The following CDH4 variants were observed in gnomAD, a reference collection of about 807,000 sequenced individuals.
CDH4 encodes the protein cadherin-4.
Under a neutral mutation model 86.0 loss-of-function variants are expected in CDH4, and 33 were observed. The ratio of observed to expected loss-of-function variants is 0.38; its 90% CI spans 0.29 to 0.51. The LOEUF is 0.51. Among genes scored for constraint, CDH4 ranks in the 20% least tolerant of loss-of-function variants. The pLI, the probability that CDH4 is intolerant of heterozygous loss-of-function variation, is 0.86. For missense variants in CDH4, 1,114 were observed against 1,307.4 expected (o/e 0.85, Z 2.28); for synonymous variants, 555 against 549.4 (o/e 1.01, Z -0.14).
At chr20:61,586,069 T>C (rs531493436) in intron 2 of CDH4, among the ~76,000 whole-genome samples, 1 of 151,448 alleles carries the variant, frequency 6.6e-6, no homozygotes, top group Admixed American at 6.6e-5. Context: ...ATGGTGGTGA[T>C]GGGGAAGATG....
intron 2 of CDH4, among the ~76,000 whole-genome samples, chr20:61,338,235 A>C (rs2084630007): frequency 6.6e-6 from 1 of 152,326 alleles, no homozygotes; most frequent in Non-Finnish European, 1.5e-5. Context: ...AAAAACACTT[A>C]AAAAGCACAA....
rs546482991 is a variant in CDH4, at chr20:61,708,998, C to T, written c.170-34565C>T. ...CAGCAGACCTGCTCAGCCCTGCCTT[C>T]CCCGAAGGACCTCAGGCTACACGGG... On this transcript the variant is annotated intron_variant, in intron 2 of 15. Coordinates refer to ENST00000614565, the MANE Select transcript of CDH4 (RefSeq NM_001794.5). This position sits in a 1 kb window ranked among gnomAD's most constrained non-coding sequence, Gnocchi z 4.5. Among the ~76,000 whole-genome samples, 5 of 152,360 alleles carry T rather than the reference C, an allele frequency of 3.3e-5. No individual in the cohort carries two copies. Among genetic ancestry groups the T allele is most frequent in the Middle Eastern group, 3.4e-3 (1 of 294 alleles).
intron 3 of CDH4, among the ~76,000 whole-genome samples, chr20:61,751,700 A>G (rs1568795235): frequency 6.6e-6 from 1 of 152,236 alleles, no homozygotes; most frequent in Non-Finnish European, 1.5e-5. Context: ...GTAAGTACCT[A>G]TACGATGTCC....
chr20:61,653,524 C>T (rs1178904299), intron 2 of CDH4, among the ~76,000 whole-genome samples: 2 of 143,528 alleles, frequency 1.4e-5, no homozygotes, highest in African/African-American at 2.5e-5. Flanking sequence ...CGGGCAGAGG[C>T]GCCCCTCACC....
chr20:61,932,630 TAC>T lies in CDH4; in HGVS notation c.2240-350_2240-349del, dbSNP rs1386420110. Among the ~76,000 whole-genome samples the T allele has an allele frequency of 2.0e-5, 3 of 152,142 alleles. No homozygotes were observed. In the East Asian group the frequency reaches 5.8e-4, roughly 29 times the overall value. On this transcript the variant is annotated intron_variant, in intron 13 of 15. Coordinates refer to ENST00000614565, the MANE Select transcript of CDH4 (RefSeq NM_001794.5). ...AGGCACACGCATGTGCAAGCCTTCA[TAC>T]ACACGTCCTCCTGCAGATACACGTA...
intron 2 of CDH4, among the ~76,000 whole-genome samples, chr20:61,508,893 A>C (rs1184326277): frequency 2.0e-5 from 3 of 152,204 alleles, no homozygotes; most frequent in African/African-American, 7.2e-5. Context: ...GGAATCAGGA[A>C]GCTGGGTTCC....
intron 5 of CDH4, among the ~76,000 whole-genome samples, chr20:61,846,702 G>A (rs1268697247): frequency 6.6e-6 from 1 of 152,242 alleles, no homozygotes; most frequent in Non-Finnish European, 1.5e-5. Flanking sequence ...ACATCTAGAT[G>A]TGGGGCAGGG....
Position 61,497,648 on chromosome 20 carries a change from G to A in CDH4, c.169+242711G>A, listed in dbSNP as rs566193503. On this transcript the variant is annotated intron_variant, in intron 2 of 15. Transcript: ENST00000614565. ...TTCAACCATTGTGGAAGACAGTGTG[G>A]CGATTCCTCAAGGATCTAGAACTAG... Among the ~76,000 whole-genome samples, 198 of 152,188 alleles carry A rather than the reference G, an allele frequency of 1.3e-3. 3 individuals carry two copies. The highest frequency in any genetic ancestry group is 3.7e-4 in the Non-Finnish European group (25 of 68,040).
At chr20:61,375,862 A>C (rs1224423970) in intron 2 of CDH4, among the ~76,000 whole-genome samples, 3 of 79,074 alleles carry the variant, frequency 3.8e-5, no homozygotes, top group African/African-American at 1.5e-4. Context: ...TGGTAGTGTG[A>C]TGCTCTTGGT....
chr20:61,656,149 C>T (rs555633377), intron 2 of CDH4, among the ~76,000 whole-genome samples: 33 of 152,230 alleles, frequency 2.2e-4, no homozygotes, highest in African/African-American at 7.9e-4. Context: ...CTCTGACATG[C>T]TCTTGCTTGG....
At chr20:61,281,552 G>C (rs1199843182) in intron 2 of CDH4, among the ~76,000 whole-genome samples, 4 of 152,224 alleles carry the variant, frequency 2.6e-5, no homozygotes. Context: ...CAGCCAGAAA[G>C]ACTGACACCA....
At position 61,655,922 on chromosome 20, in the gene CDH4, A is replaced by G. The variant is rs185597906; in HGVS notation, c.170-87641A>G. Among the ~76,000 whole-genome samples, 600 of 152,302 alleles carry G rather than the reference A, an allele frequency of 3.9e-3. 2 individuals carry two copies. The highest frequency in any genetic ancestry group is 6.0e-3 in the Non-Finnish European group (410 of 68,030). On this transcript the variant is annotated intron_variant, in intron 2 of 15. Coordinates refer to ENST00000614565, the MANE Select transcript of CDH4 (RefSeq NM_001794.5). ...CCAAGGCTGCATGTGCCTGGAGAGG[A>G]CGTGGTTCTGAACATCACCTTGTTG...
At chr20:61,592,849 AC>A (rs1165391124) in intron 2 of CDH4, among the ~76,000 whole-genome samples, 1 of 151,818 alleles carries the variant, frequency 6.6e-6, no homozygotes, top group Non-Finnish European at 1.5e-5. Context: ...AAAAATAATG[AC>A]CCCCCAGATG....
chr20:61,260,352 G>A (rs1471742122), intron 2 of CDH4, among the ~76,000 whole-genome samples: 1 of 152,170 alleles, frequency 6.6e-6, no homozygotes, highest in Non-Finnish European at 1.5e-5. Context: ...GCTGTCTTAT[G>A]CCCAGGAGAT....
At chr20:61,657,235 G>C (rs2087201975) in intron 2 of CDH4, among the ~76,000 whole-genome samples, 1 of 152,132 alleles carries the variant, frequency 6.6e-6, no homozygotes, top group South Asian at 2.1e-4. Context: ...ATGCAAATCT[G>C]TTTTTGACAC....
At chr20:61,776,100 G>T (rs756455751) in intron 4 of CDH4, among the ~76,000 whole-genome samples, 13 of 152,188 alleles carry the variant, frequency 8.5e-5, no homozygotes, top group Admixed American at 2.6e-4. Flanking sequence ...CAGAGGGCTC[G>T]GGTAAGGATG....
chr20:61,456,838 T>A (rs1274278959), intron 2 of CDH4, among the ~76,000 whole-genome samples: 2 of 152,150 alleles, frequency 1.3e-5, no homozygotes, highest in Non-Finnish European at 2.9e-5. Flanking sequence ...ACACAGCTGT[T>A]CTATAAATGC....
rs570459116 is a variant in CDH4 at position 61,689,577 on chromosome 20, G to A, written c.170-53986G>A. On this transcript the variant is annotated intron_variant, in intron 2 of 15. Coordinates refer to ENST00000614565, the MANE Select transcript of CDH4 (RefSeq NM_001794.5). ...GGGACAGTGGTTGGTGAGGTGATGTGGATTCCGGCGGGGACAGTGGTTGGT... is the reference window on the plus strand; with the variant it reads ...GGGACAGTGGTTGGTGAGGTGATGTAGATTCCGGCGGGGACAGTGGTTGGT... 3.1e-4 allele frequency among the ~76,000 whole-genome samples: 33 copies of A among 107,164 alleles called. No homozygotes were observed. In the South Asian group the frequency reaches 0.014, roughly 45 times the overall value. 70.3% of individuals were successfully genotyped at this position (107,164 alleles called of 152,430 possible).
At chr20:61,915,510 T>C (rs970736381) in intron 9 of CDH4, among the ~76,000 whole-genome samples, 1 of 152,176 alleles carries the variant, frequency 6.6e-6, no homozygotes, top group Non-Finnish European at 1.5e-5. Context: ...TGAGACCCCA[T>C]GATGCCTCTC....
Sources: allele counts gnomAD v4.1 joint callset (sites outside exome capture counted in the v4.1 genomes callset), GRCh38; gene constraint gnomAD v4.1.1; non-coding constraint Gnocchi (gnomAD v3.1); transcripts MANE v1.5; gene names NCBI Gene and HGNC (gene_info 2026-07-23, HGNC 2026-07-21).